ZNF471: variants seen among roughly 807,000 people sequenced by gnomAD.
The protein encoded by ZNF471 is zinc finger protein 471, also known as EZFIT-related protein 1.
A neutral mutation model predicts 13.7 loss-of-function variants in ZNF471; 7 were observed. The observed-to-expected ratio is 0.51, with a 90% CI of 0.29 to 0.96. The LOEUF (loss-of-function observed/expected upper bound fraction) is 0.96, where lower values mean the gene tolerates loss of function less well. Among genes scored for constraint, ZNF471 ranks in the 40% least tolerant of loss-of-function variants. The pLI is 0.08. For synonymous variants in ZNF471, 218 were observed against 235.6 expected, an observed-to-expected ratio of 0.93 and a Z score of 0.68; for missense variants, 663 against 743.3, an observed-to-expected ratio of 0.89 and a Z score of 1.26.
rs2043889815 is a variant in ZNF471, at chr19:56,516,397, A to G, written c.156A>G (p.Ser52=). Residue 52 remains serine, a synonymous_variant, in exon 3 of 5, where the codon TCA becomes TCG. Transcript: ENST00000308031. The surrounding 1 kb of genome is among the most constrained non-coding windows in gnomAD (Gnocchi z 4.4). Reference sequence around the variant, plus strand: ...TGGAGAACTATCAGAGCCTGGTATCACTTGGTGAGGATCTTTTCCCTCCTG... The same window carrying G: ...TGGAGAACTATCAGAGCCTGGTATCGCTTGGTGAGGATCTTTTCCCTCCTG... The part of the protein sequence containing the change: ...MMLENYQSLV[S]LGLCISKPYV... 1 of 1,612,382 alleles carries G rather than the reference A, an allele frequency of 6.2e-7. No individual in the cohort carries two copies. The highest frequency in any genetic ancestry group is 8.5e-7 in the Non-Finnish European group (1 of 1,179,268).
rs1009543226 is a variant in ZNF471, at chr19:56,508,554, G to A, written c.-56+634G>A. On this transcript the variant is annotated intron_variant, in intron 1 of 4. Coordinates refer to ENST00000308031, the MANE Select transcript of ZNF471 (RefSeq NM_020813.4). The surrounding 1 kb of genome is among the most constrained non-coding windows in gnomAD (Gnocchi z 4.7). ...CCTGTGTGTGAAAGGCCGGTCGGTCGGTGGGTGAGGCTCAATGAGAGGCCG... is the reference window on the plus strand; with the variant it reads ...CCTGTGTGTGAAAGGCCGGTCGGTCAGTGGGTGAGGCTCAATGAGAGGCCG... 3.3e-5 allele frequency among the ~76,000 whole-genome samples: 5 copies of A among 151,410 alleles called. No homozygotes were observed. Among genetic ancestry groups the A allele is most frequent in the African/African-American group, 1.2e-4 (5 of 41,158 alleles).
At position 56,529,228 on chromosome 19, in the gene ZNF471, G is replaced by GT. The variant is rs986118480; in HGVS notation, c.*3286dup. The GT allele has an allele frequency of 2.6e-5, 4 of 152,180 alleles. No homozygotes were observed. The highest frequency in any genetic ancestry group is 5.9e-5 in the Non-Finnish European group (4 of 68,026). 9.4% of individuals were successfully genotyped at this position (152,180 alleles called of 1,614,324 possible). ...GTTTTGTAGAAGGTCGTATCCATGGGTTTTTTATATTTGAAAAGTGTTTTC... is the reference window on the plus strand; with the variant it reads ...GTTTTGTAGAAGGTCGTATCCATGGGTTTTTTTATATTTGAAAAGTGTTTTC... On this transcript the variant is annotated 3_prime_UTR_variant, in exon 5 of 5. Transcript: ENST00000308031.
Position 56,525,200 on chromosome 19 carries a change from T to C in ZNF471, c.1133T>C (p.Ile378Thr), listed in dbSNP as rs1472373444. 4.3e-6 allele frequency: 7 copies of C among 1,613,910 alleles called. No homozygotes were observed. Among genetic ancestry groups the C allele is most frequent in the East Asian group, 2.2e-5 (1 of 44,878 alleles). ...ACTGGAGAGAAGCCTTTTAATTGCA[T>C]TGATTGTGGGAAAGCCTTCAGTGTT... Reference protein sequence around the residue: ...YHTGEKPFNCIDCGKAFSVHI... With the variant: ...YHTGEKPFNCTDCGKAFSVHI... Residue 378 changes from isoleucine (I) to threonine (T), a missense_variant, in exon 5 of 5, where the codon ATT becomes ACT. Physicochemically the swap from Ile to Thr is moderately conservative, Grantham distance 89. Coordinates refer to ENST00000308031, the MANE Select transcript of ZNF471 (RefSeq NM_020813.4).
At position 56,525,956 on chromosome 19, in the gene ZNF471, G is replaced by A; in HGVS notation, c.*8G>A. On this transcript the variant is annotated 3_prime_UTR_variant, in exon 5 of 5. Transcript: ENST00000308031. ...ACTGGAGAAGAACCTTAAGAATGTAGTGCATGTGGCCAAGCCTTTAGTTAT... is the reference window on the plus strand; with the variant it reads ...ACTGGAGAAGAACCTTAAGAATGTAATGCATGTGGCCAAGCCTTTAGTTAT... 6.5e-7 allele frequency: 1 copy of A among 1,540,310 alleles called. No homozygotes were observed. Among genetic ancestry groups the A allele is most frequent in the South Asian group, 1.3e-5 (1 of 77,146 alleles).
intron 2 of ZNF471, among the ~76,000 whole-genome samples, chr19:56,514,997 G>A (rs1437820898): frequency 1.3e-5 from 2 of 152,052 alleles, no homozygotes; most frequent in Non-Finnish European, 2.9e-5. Flanking sequence ...ATAAATGGTT[G>A]TGTCCTTAAA....
rs766146253 is a variant in ZNF471 at position 56,516,319 on chromosome 19, A to G, written c.78A>G (p.Glu26=). Residue 26 remains glutamate (E), a synonymous_variant, in exon 3 of 5, where the codon GAA becomes GAG. Coordinates refer to ENST00000308031, the MANE Select transcript of ZNF471 (RefSeq NM_020813.4). This position sits in a 1 kb window ranked among gnomAD's most constrained non-coding sequence, Gnocchi z 4.4. ...FKDVAIDFSQ[E]EWQWMNPAQK... ...ATGTGGCAATAGATTTTTCCCAGGA[A>G]GAATGGCAATGGATGAACCCTGCTC... 8 of 1,613,984 alleles carry G rather than the reference A, an allele frequency of 5.0e-6. No homozygotes were observed. In the South Asian group the frequency reaches 7.7e-5, roughly 16 times the overall value.
rs181721805 is a variant in ZNF471 at position 56,529,399 on chromosome 19, A to G, written c.*3451A>G. ...AAGATGGTAGAGGAGAATGTAGAGT[A>G]TTTCTGTGCCTTTAGGTTCAGGAGG... On this transcript the variant is annotated 3_prime_UTR_variant, in exon 5 of 5. Transcript: ENST00000308031. 1.9e-3 allele frequency: 286 copies of G among 152,240 alleles called. No individual in the cohort carries two copies. Among genetic ancestry groups the G allele is most frequent in the African/African-American group, 6.8e-3 (282 of 41,522 alleles). The allele number at this position is 152,240 out of a possible 1,614,324, so 9.4% of individuals were successfully genotyped here. A position where few individuals can be genotyped will look rare whatever the true frequency, so the allele number is the denominator to read the frequency against.
rs771894308 is a variant in ZNF471, at chr19:56,525,335, G to A, written c.1268G>A (p.Arg423Lys). The A allele has an allele frequency of 1.3e-5, 21 of 1,614,024 alleles. No individual in the cohort carries two copies. The highest frequency in any genetic ancestry group is 2.7e-5 in the African/African-American group (2 of 74,928). Reference sequence around the variant, plus strand: ...GGTTCATCCCGTACTGTACATCAGAGAATTCATACAGGAGAGAAACCTTAT... The same window carrying A: ...GGTTCATCCCGTACTGTACATCAGAAAATTCATACAGGAGAGAAACCTTAT... ...SSGSSRTVHQ[R>K]IHTGEKPYEC... The change falls in exon 5 of 5, where the codon AGA (arginine) becomes AAA (lysine). Residue 423 changes from arginine to lysine, a missense_variant. Physicochemically the swap from Arg to Lys is conservative, Grantham distance 26. Coordinates refer to ENST00000308031, the MANE Select transcript of ZNF471 (RefSeq NM_020813.4).
chr19:56,526,992 G>C lies in ZNF471; in HGVS notation c.*1044G>C, dbSNP rs1439290838. 6.5e-6 allele frequency: 1 copy of C among 153,828 alleles called. No homozygotes were observed. The highest frequency in any genetic ancestry group is 2.4e-5 in the African/African-American group (1 of 41,504). 9.5% of individuals were successfully genotyped at this position (153,828 alleles called of 1,614,324 possible). ...AGCGCTTGAGCTCTGCTAAGGGACA[G>C]ACTGCCTCCTCAAGTGGGTCCCTGA... is the stretch of plus-strand genomic sequence containing the variant. On this transcript the variant is annotated 3_prime_UTR_variant, in exon 5 of 5. Coordinates refer to ENST00000308031, the MANE Select transcript of ZNF471 (RefSeq NM_020813.4).
Position 56,522,152 on chromosome 19 carries a change from G to A in ZNF471, c.257-2172G>A, listed in dbSNP as rs2043982893. On this transcript the variant is annotated intron_variant, in intron 4 of 4. Transcript: ENST00000308031. The surrounding 1 kb of genome is among the most constrained non-coding windows in gnomAD (Gnocchi z 4.1). ...CATCCATCAAGGTTTGTATAAGTAC[G>A]CTCTGTAATTGCCCATCCGTAATGA... 6.6e-6 allele frequency among the ~76,000 whole-genome samples: 1 copy of A among 152,210 alleles called. No homozygotes were observed. Among genetic ancestry groups the A allele is most frequent in the South Asian group, 2.1e-4 (1 of 4,824 alleles).
chr19:56,523,100 T>A (rs893497417), intron 4 of ZNF471, among the ~76,000 whole-genome samples: 31 of 152,228 alleles, frequency 2.0e-4, no homozygotes, highest in African/African-American at 6.8e-4. Flanking sequence ...GGTCAGGAGT[T>A]AAGAAAGTTA....
intron 4 of ZNF471, among the ~76,000 whole-genome samples, chr19:56,521,065 C>A (rs59624311): frequency 0.022 from 3,413 of 152,216 alleles, 114 homozygotes; most frequent in African/African-American, 0.076. Context: ...ATTTACAAAA[C>A]CATCAGATCT....
Position 56,524,383 on chromosome 19 carries a change from G to A in ZNF471, c.316G>A (p.Ala106Thr). 1.2e-6 allele frequency: 2 copies of A among 1,609,536 alleles called. No individual in the cohort carries two copies. The highest frequency in any genetic ancestry group is 1.3e-5 in the African/African-American group (1 of 74,766). The change falls in exon 5 of 5, where the codon GCA becomes ACA. Residue 106 changes from alanine to threonine, a missense_variant. By Grantham distance (58) the Ala-to-Thr change is moderately conservative (BLOSUM62 0). Coordinates refer to ENST00000308031, the MANE Select transcript of ZNF471 (RefSeq NM_020813.4). The surrounding 1 kb of genome is among the most constrained non-coding windows in gnomAD (Gnocchi z 4.8). Reference protein sequence around the residue: ...LPLKQFMYDDACMEGITSYGL... With the variant: ...LPLKQFMYDDTCMEGITSYGL... ...TCTGAAGCAGTTCATGTATGATGAT[G>A]CATGCATGGAGGGAATTACTAGCTA...
chr19:56,517,286 C>A (rs1262966160), intron 3 of ZNF471, among the ~76,000 whole-genome samples: 1 of 147,582 alleles, frequency 6.8e-6, no homozygotes, highest in Non-Finnish European at 1.5e-5. Context: ...CACCCACCAC[C>A]ACACCCAGCT....
At position 56,508,246 on chromosome 19, in the gene ZNF471, TGTGTGTGACA is replaced by T. The variant is rs1425763420; in HGVS notation, c.-56+328_-56+337del. ...TGTGGTTTCTGTGTGTGTGTGTGTG[TGTGTGTGACA>T]GACCGAGAGTCCAGTGTGAGACCAG... On this transcript the variant is annotated intron_variant, in intron 1 of 4. Transcript: ENST00000308031. The surrounding 1 kb of genome is among the most constrained non-coding windows in gnomAD (Gnocchi z 4.7). 28 of 912,950 alleles carry T rather than the reference TGTGTGTGACA, an allele frequency of 3.1e-5. No homozygotes were observed. Among genetic ancestry groups the T allele is most frequent in the Non-Finnish European group, 3.2e-5 (25 of 770,194 alleles). 56.6% of individuals were successfully genotyped at this position (912,950 alleles called of 1,614,324 possible).
chr19:56,526,041 G>C lies in ZNF471; in HGVS notation c.*93G>C. 1 of 1,347,450 alleles carries C rather than the reference G, an allele frequency of 7.4e-7. No homozygotes were observed. The highest frequency in any genetic ancestry group is 1.0e-6 in the Non-Finnish European group (1 of 1,002,230). The allele number at this position is 1,347,450 out of a possible 1,614,324, so 83.5% of individuals were successfully genotyped here. ...CTGGATAAAAAACATATAAATGTAAGAAATGTAGAAAAACCTTCAGCCAGG... is the reference window on the plus strand; with the variant it reads ...CTGGATAAAAAACATATAAATGTAACAAATGTAGAAAAACCTTCAGCCAGG... On this transcript the variant is annotated 3_prime_UTR_variant, in exon 5 of 5. Coordinates refer to ENST00000308031, the MANE Select transcript of ZNF471 (RefSeq NM_020813.4).
intron 1 of ZNF471, among the ~76,000 whole-genome samples, chr19:56,509,071 T>C (rs1164583925): frequency 6.6e-6 from 1 of 152,156 alleles, no homozygotes; most frequent in African/African-American, 2.4e-5. Flanking sequence ...AAGTGTCTTT[T>C]TGCATGCTAA....
chr19:56,524,631 C>A lies in ZNF471; in HGVS notation c.564C>A (p.Ser188=). ...YNHTSDKKSF[S]KNSMVIKHKK... ...ACACATCAGATAAAAAAAGCTTCTC[C>A]AAAAATTCTATGGTAATAAAACACA... Residue 188 remains serine (S), a synonymous_variant, in exon 5 of 5, where the codon TCC becomes TCA. Transcript: ENST00000308031. The surrounding 1 kb of genome is among the most constrained non-coding windows in gnomAD (Gnocchi z 4.8). 2 of 1,586,402 alleles carry A rather than the reference C, an allele frequency of 1.3e-6. No individual in the cohort carries two copies. Among genetic ancestry groups the A allele is most frequent in the Non-Finnish European group, 1.7e-6 (2 of 1,173,108 alleles).
At position 56,525,343 on chromosome 19, in the gene ZNF471, A is replaced by G. The variant is rs778264021; in HGVS notation, c.1276A>G (p.Thr426Ala). ...SSRTVHQRIHTGEKPYECDIC... is the reference protein window; with the variant it reads ...SSRTVHQRIHAGEKPYECDIC... The stretch of plus-strand genomic sequence containing the variant: ...CCGTACTGTACATCAGAGAATTCAT[A>G]CAGGAGAGAAACCTTATGAATGTGA... Residue 426 changes from threonine to alanine, a missense_variant, in exon 5 of 5, where the codon ACA becomes GCA. Coordinates refer to ENST00000308031, the MANE Select transcript of ZNF471 (RefSeq NM_020813.4). The G allele has an allele frequency of 3.1e-6, 5 of 1,614,182 alleles. No individual in the cohort carries two copies. The Admixed American group carries it at 6.7e-5, about 22-fold the overall frequency.
Sources: allele counts gnomAD v4.1 joint callset (sites outside exome capture counted in the v4.1 genomes callset), GRCh38; gene constraint gnomAD v4.1.1; non-coding constraint Gnocchi (gnomAD v3.1); transcripts MANE v1.5; gene names NCBI Gene and HGNC (gene_info 2026-07-23, HGNC 2026-07-21).